CNTN3: variants seen among roughly 807,000 people sequenced by gnomAD.
CNTN3 encodes the protein contactin-3.
In CNTN3, 60 loss-of-function variants were observed where a neutral mutation model predicts 119.1. The observed-to-expected ratio is 0.50, with a 90% CI of 0.41 to 0.62. The LOEUF is 0.62. Among genes scored for constraint, CNTN3 ranks in the 20% least tolerant of loss-of-function variants. The pLI is 0.00. For missense variants in CNTN3, 1,101 were observed against 1,242.4 expected, an observed-to-expected ratio of 0.89 and a Z score of 1.71; for synonymous variants, 450 against 438.7, an observed-to-expected ratio of 1.03 and a Z score of -0.32.
intron 1 of CNTN3, among the ~76,000 whole-genome samples, chr3:74,557,413 G>A (rs1704087134): frequency 6.6e-6 from 1 of 152,036 alleles, no homozygotes; most frequent in Non-Finnish European, 1.5e-5. Flanking sequence ...TCCACTTGTA[G>A]AGGCCTTCTT....
At chr3:74,409,097 G>C (rs553157230) in intron 5 of CNTN3, among the ~76,000 whole-genome samples, 45 of 152,286 alleles carry the variant, frequency 3.0e-4, no homozygotes, top group Non-Finnish European at 5.4e-4. Flanking sequence ...ATGGTCTTGG[G>C]TCATGTTAAA....
At position 74,267,301 on chromosome 3, in the gene CNTN3, C is replaced by G. The variant is rs746350530; in HGVS notation, c.2782G>C (p.Ala928Pro). The change falls in exon 21 of 23, where the codon GCC becomes CCC. Residue 928 changes from alanine to proline, a missense_variant. Physicochemically the swap from Ala to Pro is conservative, Grantham distance 27 (BLOSUM62 -1). Coordinates refer to ENST00000263665, the MANE Select transcript of CNTN3 (RefSeq NM_020872.3). ...GTTACTTCTGACTCATTCTCCATGGCTTTAACTTGCTCCCAATTAAGTAAC... is the reference window on the plus strand; with the variant it reads ...GTTACTTCTGACTCATTCTCCATGGGTTTAACTTGCTCCCAATTAAGTAAC... ...KVLLNWEQVK[A>P]MENESEVTGY... 9 of 1,613,070 alleles carry G rather than the reference C, an allele frequency of 5.6e-6. No homozygotes were observed. Among genetic ancestry groups the G allele is most frequent in the African/African-American group, 1.3e-5 (1 of 74,866 alleles).
At chr3:74,533,125 G>A (rs1009320344) in intron 1 of CNTN3, among the ~76,000 whole-genome samples, 2 of 152,014 alleles carry the variant, frequency 1.3e-5, no homozygotes, top group Non-Finnish European at 2.9e-5. Context: ...TGCCTGGCCA[G>A]TGCCAGATGC....
intron 5 of CNTN3, among the ~76,000 whole-genome samples, chr3:74,378,447 A>G (rs1278036937): frequency 6.6e-6 from 1 of 152,204 alleles, no homozygotes; most frequent in African/African-American, 2.4e-5. Context: ...CTACTAATCC[A>G]TTCTGATTTA....
intron 4 of CNTN3, among the ~76,000 whole-genome samples, chr3:74,432,861 C>T (rs1701807388): frequency 2.0e-5 from 3 of 152,162 alleles, no homozygotes; most frequent in African/African-American, 4.8e-5. Context: ...TATAAACCCC[C>T]TAAGGGAAAA....
chr3:74,334,961 A>G (rs757722012), intron 12 of CNTN3, 51 bp from the exon 13 acceptor site: 16 of 1,410,194 alleles, frequency 1.1e-5, no homozygotes, highest in Admixed American at 5.4e-5. Context: ...GTGATAAAAG[A>G]CATTTGCACA....
rs150057938 is a variant in CNTN3, at chr3:74,576,643, T to C, written c.-81+37748A>G. Among the ~76,000 whole-genome samples, 361 of 152,240 alleles carry C rather than the reference T, an allele frequency of 2.4e-3. 5 individuals carry two copies. The highest frequency in any genetic ancestry group is 8.3e-3 in the African/African-American group (344 of 41,560). On this transcript the variant is annotated intron_variant, in intron 1 of 22. Coordinates refer to ENST00000263665, the MANE Select transcript of CNTN3 (RefSeq NM_020872.3). ...CTATTAAAAGTACCCTTAAATTTTT[T>C]CTATTATTTGGAAAGTTTTCTGTAT...
chr3:74,295,376 A>G, intron 18 of CNTN3, 140 bp from the exon 19 acceptor site: 1 of 537,724 alleles, frequency 1.9e-6, no homozygotes, highest in Non-Finnish European at 3.3e-6. Flanking sequence ...TGTTGAAAAT[A>G]GAGACACTGG....
At chr3:74,315,070 T>A (rs1702795513) in intron 13 of CNTN3, among the ~76,000 whole-genome samples, 1 of 152,190 alleles carries the variant, frequency 6.6e-6, no homozygotes. Flanking sequence ...TGACCTTTGG[T>A]CATCCTTGCT....
At chr3:74,549,882 C>A (rs992865634) in intron 1 of CNTN3, among the ~76,000 whole-genome samples, 1 of 152,194 alleles carries the variant, frequency 6.6e-6, no homozygotes, top group African/African-American at 2.4e-5. Flanking sequence ...CATACGCCCT[C>A]AGGGTCCTGG....
chr3:74,539,535 G>A (rs1312432212), intron 1 of CNTN3, among the ~76,000 whole-genome samples: 1 of 152,034 alleles, frequency 6.6e-6, no homozygotes, highest in South Asian at 2.1e-4. Context: ...TCCACCTCCT[G>A]AAATAGCCAC....
chr3:74,497,505 C>A (rs573778834), intron 3 of CNTN3, among the ~76,000 whole-genome samples: 2 of 151,936 alleles, frequency 1.3e-5, no homozygotes, highest in African/African-American at 4.8e-5. Flanking sequence ...TAGAATGAAA[C>A]GAGCTTCTCT....
chr3:74,422,546 G>A (rs1701632671), intron 5 of CNTN3, among the ~76,000 whole-genome samples: 1 of 152,072 alleles, frequency 6.6e-6, no homozygotes, highest in Admixed American at 6.6e-5. Context: ...TCATCTTTTG[G>A]GACATGTTTC....
intron 4 of CNTN3, among the ~76,000 whole-genome samples, chr3:74,444,116 C>A (rs1048536592): frequency 6.6e-6 from 1 of 152,094 alleles, no homozygotes; most frequent in African/African-American, 2.4e-5. Context: ...CCCTGTGTGT[C>A]TCCGGTTTAC....
chr3:74,285,233 A>T, intron 20 of CNTN3, 72 bp downstream of exon 20: 2 of 1,448,844 alleles, frequency 1.4e-6, no homozygotes, highest in South Asian at 2.7e-5. Flanking sequence ...TCCATTTCAA[A>T]TAATAGAGAA....
chr3:74,568,254 T>C (rs1049867600), intron 1 of CNTN3, among the ~76,000 whole-genome samples: 11 of 152,364 alleles, frequency 7.2e-5, no homozygotes, highest in African/African-American at 2.6e-4. Context: ...CCGCTAAGTA[T>C]GCCTATGATC....
chr3:74,466,180 G>A (rs559872165), intron 4 of CNTN3, among the ~76,000 whole-genome samples: 201 of 152,222 alleles, frequency 1.3e-3, no homozygotes, highest in African/African-American at 4.5e-3. Context: ...TTTAGTGGGA[G>A]GGCAAGTGAG....
chr3:74,594,397 C>A (rs1470985033), intron 1 of CNTN3, among the ~76,000 whole-genome samples: 1 of 150,114 alleles, frequency 6.7e-6, no homozygotes, highest in African/African-American at 2.5e-5. Context: ...CACCCATTAA[C>A]TCATCATTTA....
chr3:74,392,884 T>C, intron 5 of CNTN3, among the ~76,000 whole-genome samples: 1 of 152,144 alleles, frequency 6.6e-6, no homozygotes, highest in East Asian at 1.9e-4. Flanking sequence ...TGGTGAGTTT[T>C]TACATATGTA....
Sources: allele counts gnomAD v4.1 joint callset (sites outside exome capture counted in the v4.1 genomes callset), GRCh38; gene constraint gnomAD v4.1.1; transcripts MANE v1.5; gene names NCBI Gene and HGNC (gene_info 2026-07-23, HGNC 2026-07-21).